The following ETNK1 variants were observed in gnomAD, a reference collection of about 807,000 sequenced individuals.
ETNK1 encodes ethanolamine kinase 1.
Under a neutral mutation model 45.1 loss-of-function variants are expected in ETNK1, and 8 were observed. That is an observed-to-expected ratio of 0.18 (90% CI 0.10 to 0.32). ETNK1 has a LOEUF of 0.32. Ranked by LOEUF, ETNK1 falls within the 10% of genes least tolerant of loss-of-function variation. The probability of loss-of-function intolerance (pLI) is 1.00; values close to 1 mark genes in which losing one functional copy is unlikely to be tolerated. For missense variants in ETNK1, 302 were observed against 430.6 expected (o/e 0.70, Z 2.64); for synonymous variants, 152 against 151.9 (o/e 1.00, Z -0.01).
At chr12:22,646,559 A>AGGG (rs1219880897) in intron 2 of ETNK1, among the ~76,000 whole-genome samples, 4 of 151,632 alleles carry the variant, frequency 2.6e-5, no homozygotes, top group African/African-American at 9.7e-5. Context: ...AATCCTTATG[A>AGGG]GCTTTAATGT....
At chr12:22,671,107 T>G in intron 4 of ETNK1, 165 bp from the exon 5 acceptor site, 2 of 590,728 alleles carry the variant, frequency 3.4e-6, no homozygotes, top group Non-Finnish European at 5.9e-6. Context: ...TAAAGCTCAT[T>G]GCCATAAAAT....
At chr12:22,661,404 T>A (rs1202194090) in intron 4 of ETNK1, among the ~76,000 whole-genome samples, 199 bp downstream of exon 4, 2 of 152,182 alleles carry the variant, frequency 1.3e-5, no homozygotes, top group Non-Finnish European at 2.9e-5. Flanking sequence ...TTGTATAAAA[T>A]ATGTTTTTTA....
chr12:22,663,310 G>A (rs1307666176), intron 4 of ETNK1, among the ~76,000 whole-genome samples: 2 of 152,014 alleles, frequency 1.3e-5, no homozygotes, highest in Non-Finnish European at 2.9e-5. Flanking sequence ...TTCAAGTGAG[G>A]GACTTCATCT....
chr12:22,644,346 T>C, intron 2 of ETNK1: 2 of 1,512,906 alleles, frequency 1.3e-6, no homozygotes, highest in Non-Finnish European at 8.9e-7. Context: ...TTACTGCCGA[T>C]TGCTTATTAC....
In ETNK1 at chr12:22,673,494, C is replaced by T. The variant is rs1344091894; in HGVS notation, c.785-6C>T. On this transcript the variant is annotated splice_region_variant and splice_polypyrimidine_tract_variant and intron_variant, in intron 5 of 7. Transcript: ENST00000266517. ...ATTTTTGAGTGTAGTTTTTTTTCTT[C>T]TAAAGGTGTGAGTGATGTAGACTAT... 3 of 1,562,050 alleles carry T rather than the reference C, an allele frequency of 1.9e-6. No homozygotes were observed. The highest frequency in any genetic ancestry group is 1.8e-5 in the Admixed American group (1 of 54,712).
Position 22,625,518 on chromosome 12 carries a change from C to T in ETNK1, c.88C>T (p.Arg30Trp). ...TCAGGATCAGGAGGAGCATCGCTGCCGGGAGGGGGCCCTGAGCCTCCTGCA... is the reference window on the plus strand; with the variant it reads ...TCAGGATCAGGAGGAGCATCGCTGCTGGGAGGGGGCCCTGAGCCTCCTGCA... Reference protein sequence around the residue: ...TVQDQEEHRCREGALSLLQHL... With the variant: ...TVQDQEEHRCWEGALSLLQHL... Residue 30 changes from arginine to tryptophan, a missense_variant, in exon 1 of 8, where the codon CGG becomes TGG. By Grantham distance (101) the Arg-to-Trp change is moderately radical. This residue lies in a region of ETNK1 where 205 missense variants were observed against 259.9 expected (regional missense o/e 0.79). Coordinates refer to ENST00000266517, the MANE Select transcript of ETNK1 (RefSeq NM_018638.5). 1 of 1,606,388 alleles carries T rather than the reference C, an allele frequency of 6.2e-7. No individual in the cohort carries two copies. Among genetic ancestry groups the T allele is most frequent in the Non-Finnish European group, 8.5e-7 (1 of 1,176,996 alleles).
At chr12:22,627,177 C>G (rs1395896440) in intron 1 of ETNK1, among the ~76,000 whole-genome samples, 6 of 151,736 alleles carry the variant, frequency 4.0e-5, no homozygotes, top group African/African-American at 9.7e-5. Flanking sequence ...GTCGCCCGAA[C>G]AACCATATTA....
intron 2 of ETNK1, 30 bp downstream of exon 2, chr12:22,644,052 T>C (rs1427449847): frequency 7.1e-7 from 1 of 1,418,232 alleles, no homozygotes; most frequent in East Asian, 2.6e-5. Flanking sequence ...TTTTTCCTTT[T>C]GAAAAATAGG....
intron 7 of ETNK1, 147 bp downstream of exon 7, chr12:22,684,703 A>C (rs1954244358): frequency 1.3e-6 from 1 of 755,146 alleles, no homozygotes; most frequent in South Asian, 1.9e-5. Flanking sequence ...AATTGCTATA[A>C]GCTGTTAAGT....
At chr12:22,636,576 C>T (rs548551589) in intron 1 of ETNK1, among the ~76,000 whole-genome samples, 54 of 152,204 alleles carry the variant, frequency 3.5e-4, no homozygotes, top group Non-Finnish European at 5.1e-4. Flanking sequence ...ACCTCAGCTT[C>T]CTTCTCTATG....
chr12:22,627,825 G>A (rs754048138), intron 1 of ETNK1, among the ~76,000 whole-genome samples: 2 of 151,856 alleles, frequency 1.3e-5, no homozygotes, highest in African/African-American at 2.4e-5. Context: ...ACTTACTGTA[G>A]TAATACTTAT....
chr12:22,653,408 T>A (rs1294876582), intron 2 of ETNK1, among the ~76,000 whole-genome samples: 1 of 152,148 alleles, frequency 6.6e-6, no homozygotes, highest in East Asian at 1.9e-4. Flanking sequence ...CTTTGGGATT[T>A]TGGTAGGGAT....
In ETNK1 at chr12:22,685,774, A is replaced by T. The variant is rs1954255648; in HGVS notation, c.*820A>T. ...AGTATCAAATTGTTTCTAACCAAAA[A>T]TTTCCTTTTACTTCTAGAGATGCTT... On this transcript the variant is annotated 3_prime_UTR_variant, in exon 8 of 8. Coordinates refer to ENST00000266517, the MANE Select transcript of ETNK1 (RefSeq NM_018638.5). The T allele has an allele frequency of 6.6e-6, 1 of 151,892 alleles. No individual in the cohort carries two copies. Among genetic ancestry groups the T allele is most frequent in the South Asian group, 2.1e-4 (1 of 4,834 alleles). The allele number at this position is 151,892 out of a possible 1,614,324, so 9.4% of individuals were successfully genotyped here. A position where few individuals can be genotyped will look rare whatever the true frequency, so the allele number is the denominator to read the frequency against.
At position 22,690,336 on chromosome 12, in the gene ETNK1, T is replaced by A. The variant is rs1342054585; in HGVS notation, c.*5382T>A. The A allele has an allele frequency of 6.6e-6, 1 of 152,584 alleles. No homozygotes were observed. Among genetic ancestry groups the A allele is most frequent in the Non-Finnish European group, 1.5e-5 (1 of 67,946 alleles). The allele number at this position is 152,584 out of a possible 1,614,324, so 9.5% of individuals were successfully genotyped here. ...AGATACTTCCTGTTTTCTTGTTTCA[T>A]ATTTTCATGTTCAAAATTTAAGTTT... is the stretch of plus-strand genomic sequence containing the variant. On this transcript the variant is annotated 3_prime_UTR_variant, in exon 8 of 8. Coordinates refer to ENST00000266517, the MANE Select transcript of ETNK1 (RefSeq NM_018638.5).
Position 22,625,359 on chromosome 12 carries a change from C to T in ETNK1, c.-72C>T. On this transcript the variant is annotated 5_prime_UTR_variant, in exon 1 of 8. Transcript: ENST00000266517. ...CCCCGGGACGGAAGGATCCACCAGT[C>T]TGTCGGCGCCCGCCGTTCTCGTGGT... 1 of 1,551,164 alleles carries T rather than the reference C, an allele frequency of 6.4e-7. No individual in the cohort carries two copies. Among genetic ancestry groups the T allele is most frequent in the East Asian group, 2.4e-5 (1 of 41,666 alleles).
intron 6 of ETNK1, 38 bp from the exon 7 acceptor site, chr12:22,684,445 A>T (rs1427403688): frequency 7.0e-7 from 1 of 1,419,698 alleles, no homozygotes; most frequent in Non-Finnish European, 9.9e-7. Flanking sequence ...AGAGAAATTC[A>T]TTATCATAAT....
rs1953771885 is a variant in ETNK1, at chr12:22,643,898, C to A, written c.292C>A (p.Arg98=). Residue 98 remains arginine, a synonymous_variant, in exon 2 of 8, where the codon CGA becomes AGA. Coordinates refer to ENST00000266517, the MANE Select transcript of ETNK1 (RefSeq NM_018638.5). ...TCGAGATGAGGAAGTAAAGAGTTTT[C>A]GAGTGTTGCAGGCTCATGGGTGTGC... ...VDRDEEVKSF[R]VLQAHGCAPQ... is the part of the protein sequence containing the mutation. 1 of 1,613,348 alleles carries A rather than the reference C, an allele frequency of 6.2e-7. No individual in the cohort carries two copies. The highest frequency in any genetic ancestry group is 8.5e-7 in the Non-Finnish European group (1 of 1,179,558).
chr12:22,654,301 C>A (rs960643861), intron 2 of ETNK1, among the ~76,000 whole-genome samples: 1 of 152,126 alleles, frequency 6.6e-6, no homozygotes, highest in African/African-American at 2.4e-5. Context: ...ATAAAAAAGA[C>A]CAGTAATTCT....
At chr12:22,684,246 C>T (rs1399833868) in intron 6 of ETNK1, among the ~76,000 whole-genome samples, 1 of 152,066 alleles carries the variant, frequency 6.6e-6, no homozygotes, top group Non-Finnish European at 1.5e-5. Flanking sequence ...GAACTGGCCT[C>T]TATTTTTCAA....
Sources: gnomAD v4.1 joint callset for allele counts (sites outside exome capture counted in the v4.1 genomes callset) on GRCh38, gnomAD v4.1.1 for gene constraint, gnomAD v4.1.1 regional missense constraint, MANE v1.5 for transcripts, NCBI Gene and HGNC (gene_info 2026-07-23, HGNC 2026-07-21) for gene names.